CAPZB: variants seen among roughly 807,000 people sequenced by gnomAD.
CAPZB encodes the protein F-actin-capping protein subunit beta.
A neutral mutation model predicts 38.1 loss-of-function variants in CAPZB; 2 were observed. The ratio of observed to expected loss-of-function variants is 0.05; its 90% CI spans 0.02 to 0.17. CAPZB has a LOEUF of 0.17. Among genes scored for constraint, CAPZB ranks in the 10% least tolerant of loss-of-function variants. The pLI, the probability that CAPZB is intolerant of heterozygous loss-of-function variation, is 1.00. For missense variants in CAPZB, 161 were observed against 334.2 expected, an observed-to-expected ratio of 0.48 and a Z score of 4.04; for synonymous variants, 107 against 127.4, an observed-to-expected ratio of 0.84 and a Z score of 1.08.
At chr1:19,462,086 C>T (rs1300916428) in intron 1 of CAPZB, among the ~76,000 whole-genome samples, 1 of 151,890 alleles carries the variant, frequency 6.6e-6, no homozygotes, top group Non-Finnish European at 1.5e-5. Context: ...TTTGAGGCTG[C>T]AGTGAGCTGT....
intron 1 of CAPZB, among the ~76,000 whole-genome samples, chr1:19,422,762 A>AAC (rs2094406694): frequency 1.8e-5 from 2 of 111,444 alleles, no homozygotes; most frequent in Non-Finnish European, 4.0e-5. Context: ...ACAACAACAA[A>AAC]CCCACACATA....
chr1:19,400,690 C>G (rs971007164), intron 2 of CAPZB, among the ~76,000 whole-genome samples: 7 of 152,158 alleles, frequency 4.6e-5, no homozygotes, highest in Non-Finnish European at 1.0e-4. Context: ...GCTCTCCAAA[C>G]ACTGTTCTCC....
intron 1 of CAPZB, among the ~76,000 whole-genome samples, chr1:19,454,014 G>A (rs1450808090): frequency 6.6e-6 from 1 of 152,180 alleles, no homozygotes; most frequent in Non-Finnish European, 1.5e-5. Context: ...TCCCCTAAGT[G>A]CGCTGCCTCC....
At position 19,356,885 on chromosome 1, in the gene CAPZB, A is replaced by C. The variant is rs538777201; in HGVS notation, c.472-134T>G. On this transcript the variant is annotated intron_variant, in intron 5 of 8. Coordinates refer to ENST00000264202, the MANE Select transcript of CAPZB (RefSeq NM_004930.5). The surrounding 1 kb of genome is among the most constrained non-coding windows in gnomAD (Gnocchi z 4.3). ...CCTTTTTTTTTTTTAAATTGGAGACAAAGTCTCGCTCTGTCACCCAGGCTG... is the reference window on the plus strand; with the variant it reads ...CCTTTTTTTTTTTTAAATTGGAGACCAAGTCTCGCTCTGTCACCCAGGCTG... The C allele has an allele frequency of 4.6e-6, 3 of 656,214 alleles. No individual in the cohort carries two copies. Among genetic ancestry groups the C allele is most frequent in the Non-Finnish European group, 8.1e-6 (3 of 372,586 alleles). The allele number at this position is 656,214 out of a possible 1,614,324, so 40.6% of individuals were successfully genotyped here. A position where few individuals can be genotyped will look rare whatever the true frequency, so the allele number is the denominator to read the frequency against.
rs1176084312 is a variant in CAPZB at position 19,350,851 on chromosome 1, CAA to C, written c.589-5601_589-5600del. 2.0e-5 allele frequency among the ~76,000 whole-genome samples: 3 copies of C among 152,188 alleles called. No homozygotes were observed. The East Asian group carries it at 5.8e-4, about 29-fold the overall frequency. ...CAGGCTGGTCTCAAACTCTCGAGCT[CAA>C]GTGATCTGCCTGCCTTGGCCTCCCA... is the stretch of plus-strand genomic sequence containing the variant. On this transcript the variant is annotated intron_variant, in intron 6 of 8. Transcript: ENST00000264202.
chr1:19,484,234 G>A (rs2094641978), intron 1 of CAPZB: 1 of 1,612,656 alleles, frequency 6.2e-7, no homozygotes. Flanking sequence ...ACCCTTGCAA[G>A]CTGACAGTTC....
chr1:19,412,883 C>G (rs1489434732), intron 2 of CAPZB, among the ~76,000 whole-genome samples: 2 of 152,202 alleles, frequency 1.3e-5, no homozygotes, highest in African/African-American at 2.4e-5. Context: ...GCCAGTTATC[C>G]TGTTCAACAG....
intron 2 of CAPZB, among the ~76,000 whole-genome samples, chr1:19,393,186 G>A (rs575070158): frequency 9.2e-5 from 14 of 152,362 alleles, no homozygotes; most frequent in African/African-American, 3.1e-4. Context: ...TTTGCCTAAT[G>A]GCTCTCTGAG....
At chr1:19,439,966 C>G (rs1207128175) in intron 1 of CAPZB, among the ~76,000 whole-genome samples, 1 of 152,234 alleles carries the variant, frequency 6.6e-6, no homozygotes, top group Non-Finnish European at 1.5e-5. Context: ...CCATCCACAT[C>G]ATCTGCCCAG....
chr1:19,394,836 A>AT (rs549988338), intron 2 of CAPZB, among the ~76,000 whole-genome samples: 96 of 152,240 alleles, frequency 6.3e-4, no homozygotes, highest in African/African-American at 2.2e-3. Flanking sequence ...CTGACTTAAG[A>AT]TTTTTTTGAT....
intron 6 of CAPZB, among the ~76,000 whole-genome samples, chr1:19,348,686 T>G (rs1026123120): frequency 7.0e-6 from 1 of 142,594 alleles, no homozygotes; most frequent in African/African-American, 2.6e-5. Context: ...GAGCTGTCCC[T>G]GACAGGCATC....
intron 2 of CAPZB, 65 bp from the exon 3 acceptor site, chr1:19,385,691 AC>A: frequency 6.3e-7 from 1 of 1,599,728 alleles, no homozygotes; most frequent in Non-Finnish European, 8.6e-7. Context: ...CAGGTGGCTA[AC>A]AATACTGCAG....
At chr1:19,449,019 T>TCGCTGCC in intron 1 of CAPZB, 1 of 1,536,290 alleles carries the variant, frequency 6.5e-7, no homozygotes, top group Non-Finnish European at 8.8e-7. Flanking sequence ...CCCAGGCTGC[T>TCGCTGCC]CGCTGCCCGC....
chr1:19,400,654 G>C (rs1420934974), intron 2 of CAPZB, among the ~76,000 whole-genome samples: 1 of 152,178 alleles, frequency 6.6e-6, no homozygotes, highest in African/African-American at 2.4e-5. Context: ...CTTAAAGTGA[G>C]AGTCTTCAGA....
At chr1:19,416,541 C>T (rs1051234266) in intron 2 of CAPZB, among the ~76,000 whole-genome samples, 4 of 152,230 alleles carry the variant, frequency 2.6e-5, no homozygotes, top group South Asian at 4.2e-4. Flanking sequence ...GTATTCAACA[C>T]GTCAGCTGTC....
intron 2 of CAPZB, among the ~76,000 whole-genome samples, chr1:19,387,382 T>C (rs12049019): frequency 0.34 from 51,065 of 152,142 alleles, 8,567 homozygotes; most frequent in Middle Eastern, 0.4. Flanking sequence ...CACAGAGCCC[T>C]TCAACTGGAA....
intron 2 of CAPZB, among the ~76,000 whole-genome samples, chr1:19,411,232 AT>A (rs556662961): frequency 5.0e-4 from 76 of 152,290 alleles, no homozygotes; most frequent in African/African-American, 1.8e-3. Context: ...GATGAAAAAA[AT>A]TTTTTTCCAT....
chr1:19,410,495 G>A (rs2094352722), intron 2 of CAPZB, among the ~76,000 whole-genome samples: 1 of 152,192 alleles, frequency 6.6e-6, no homozygotes, highest in African/African-American at 2.4e-5. Context: ...GGTGGGGGGT[G>A]GTGGGGGGCT....
intron 6 of CAPZB, among the ~76,000 whole-genome samples, chr1:19,346,817 C>CTTTTTTT (rs34733600): frequency 4.4e-4 from 37 of 84,090 alleles, no homozygotes; most frequent in Non-Finnish European, 5.8e-4. Flanking sequence ...CGACTTTTGT[C>CTTTTTTT]TTTTTTTTTT....
Sources: gnomAD v4.1 joint callset for allele counts (sites outside exome capture counted in the v4.1 genomes callset) on GRCh38, gnomAD v4.1.1 for gene constraint, Gnocchi (gnomAD v3.1) non-coding constraint, MANE v1.5 for transcripts, NCBI Gene and HGNC (gene_info 2026-07-23, HGNC 2026-07-21) for gene names.